OTOGL: variants seen among roughly 807,000 people sequenced by gnomAD.
The protein encoded by OTOGL is otogelin-like protein.
Under a neutral mutation model 318.5 loss-of-function variants are expected in OTOGL, and 285 were observed. The ratio of observed to expected loss-of-function variants is 0.89; its 90% CI spans 0.81 to 0.99. The LOEUF is 0.99. OTOGL is among the 50% of genes least tolerant of loss of function. OTOGL has a pLI of 0.00. For missense variants in OTOGL, 2,899 were observed against 2,845.6 expected, an observed-to-expected ratio of 1.02 and a Z score of -0.43; for synonymous variants, 987 against 936.5, an observed-to-expected ratio of 1.05 and a Z score of -0.99.
intron 30 of OTOGL, among the ~76,000 whole-genome samples, chr12:80,311,409 G>A (rs1184495826): frequency 6.6e-6 from 1 of 152,070 alleles, no homozygotes; most frequent in African/African-American, 2.4e-5. Flanking sequence ...AGGGATATTT[G>A]GCAGATATTT....
intron 1 of OTOGL, among the ~76,000 whole-genome samples, chr12:80,150,051 T>C (rs1021575059): frequency 3.3e-5 from 5 of 152,326 alleles, no homozygotes; most frequent in Middle Eastern, 3.4e-3. Context: ...ACCGGAGCTG[T>C]TCCTATTCGG....
At chr12:80,235,976 A>T (rs1879813193) in intron 9 of OTOGL, among the ~76,000 whole-genome samples, 1 of 152,208 alleles carries the variant, frequency 6.6e-6, no homozygotes, top group Non-Finnish European at 1.5e-5. Flanking sequence ...AAGAAGCCTG[A>T]TATTTTCTTG....
intron 32 of OTOGL, among the ~76,000 whole-genome samples, chr12:80,318,152 C>T (rs10778724): frequency 0.9 from 136,108 of 152,072 alleles, 61,900 homozygotes; most frequent in Middle Eastern, 0.99. Flanking sequence ...TATTTAGGCC[C>T]GGTCTTAAGT....
At chr12:80,168,679 A>C (rs1182701298) in intron 1 of OTOGL, among the ~76,000 whole-genome samples, 2 of 152,154 alleles carry the variant, frequency 1.3e-5, no homozygotes, top group Admixed American at 1.3e-4. Flanking sequence ...CGTGGAAGAT[A>C]TTGTTTAATA....
intron 1 of OTOGL, among the ~76,000 whole-genome samples, chr12:80,194,971 A>G (rs1361790722): frequency 6.6e-6 from 1 of 152,140 alleles, no homozygotes; most frequent in Non-Finnish European, 1.5e-5. Context: ...TAACCCTATT[A>G]CTTAGAAAAA....
At chr12:80,376,166 G>A (rs1469166486) in intron 57 of OTOGL, among the ~76,000 whole-genome samples, 2 of 152,128 alleles carry the variant, frequency 1.3e-5, no homozygotes, top group Non-Finnish European at 2.9e-5. Context: ...CAATTTGGAG[G>A]TCATGAGTGA....
chr12:80,259,325 AC>A (rs1312409475), intron 18 of OTOGL, among the ~76,000 whole-genome samples: 2 of 151,486 alleles, frequency 1.3e-5, no homozygotes, highest in Non-Finnish European at 2.9e-5. Context: ...CTCTCCAAAT[AC>A]TGTTTCATTT....
At chr12:80,303,971 T>C (rs914838961) in intron 28 of OTOGL, among the ~76,000 whole-genome samples, 1 of 152,240 alleles carries the variant, frequency 6.6e-6, no homozygotes, top group Non-Finnish European at 1.5e-5. Context: ...TCATGTTGCT[T>C]CTTTATTGTC....
chr12:80,337,218 A>G (rs1888469992), intron 42 of OTOGL, among the ~76,000 whole-genome samples: 1 of 152,050 alleles, frequency 6.6e-6, no homozygotes, highest in South Asian at 2.1e-4. Flanking sequence ...CTGTGAGGTT[A>G]ACTGCAGGGA....
intron 44 of OTOGL, among the ~76,000 whole-genome samples, chr12:80,346,664 C>T (rs1292610801): frequency 6.6e-6 from 1 of 152,092 alleles, no homozygotes; most frequent in Non-Finnish European, 1.5e-5. Context: ...ACTCCTTCTG[C>T]CCACACCCCG....
Position 80,226,177 on chromosome 12 carries a change from AACACACACACAC to A in OTOGL, c.490-3045_490-3034del, listed in dbSNP as rs35975748. 7.9e-3 allele frequency among the ~76,000 whole-genome samples: 1,049 copies of A among 132,958 alleles called. 14 individuals carry two copies. Among genetic ancestry groups the A allele is most frequent in the African/African-American group, 0.026 (919 of 35,682 alleles). 87.2% of individuals were successfully genotyped at this position (132,958 alleles called of 152,430 possible). ...TAGTTATGCCACCCTTCCTGCTCCT[AACACACACACAC>A]ACACACACACACACACACACACACA... On this transcript the variant is annotated intron_variant, in intron 7 of 58. Transcript: ENST00000547103.
chr12:80,212,861 G>A (rs973263123), intron 4 of OTOGL, among the ~76,000 whole-genome samples: 1 of 152,186 alleles, frequency 6.6e-6, no homozygotes, highest in African/African-American at 2.4e-5. Context: ...ATGCTGTTGT[G>A]TCTGGTTAGA....
Position 80,158,726 on chromosome 12 carries a change from T to C in OTOGL, c.-19-50687T>C, listed in dbSNP as rs147419810. 4.2e-3 allele frequency among the ~76,000 whole-genome samples: 636 copies of C among 152,208 alleles called. 5 individuals carry two copies. Among genetic ancestry groups the C allele is most frequent in the African/African-American group, 0.015 (610 of 41,554 alleles). On this transcript the variant is annotated intron_variant, in intron 1 of 58. Transcript: ENST00000547103. The stretch of plus-strand genomic sequence containing the variant: ...GAATTCATTTATCAGTTCTAGGAGC[T>C]TTTCAGAGGAATCTTTAGGGTTTTC...
At chr12:80,259,714 AT>A (rs1459549687) in intron 18 of OTOGL, among the ~76,000 whole-genome samples, 6 of 152,122 alleles carry the variant, frequency 3.9e-5, no homozygotes, top group African/African-American at 1.4e-4. Flanking sequence ...ACAGGAACTC[AT>A]TCTTTTTCAT....
At chr12:80,147,720 T>C (rs1168819837) in intron 1 of OTOGL, among the ~76,000 whole-genome samples, 1 of 152,172 alleles carries the variant, frequency 6.6e-6, no homozygotes, top group South Asian at 2.1e-4. Context: ...CAGGACCTGC[T>C]TTATGAATCT....
intron 1 of OTOGL, among the ~76,000 whole-genome samples, chr12:80,185,191 C>A (rs542749258): frequency 7.9e-5 from 12 of 152,204 alleles, no homozygotes; most frequent in African/African-American, 2.9e-4. Flanking sequence ...ATGAGACAGG[C>A]AATGTGAACA....
rs55682028 is a variant in OTOGL, at chr12:80,124,469, C to T, written c.-20+24864C>T. Among the ~76,000 whole-genome samples the T allele has an allele frequency of 5.6e-3, 847 of 152,250 alleles. 9 individuals carry two copies. The highest frequency in any genetic ancestry group is 0.019 in the African/African-American group (805 of 41,548). ...TGTAGTATGGTTTGAAGTCAGGTAG[C>T]ATGATGCCTCCAGCTTTGTTCTTTT... is the stretch of plus-strand genomic sequence containing the variant. On this transcript the variant is annotated intron_variant, in intron 1 of 58. Coordinates refer to ENST00000547103, the MANE Select transcript of OTOGL (RefSeq NM_001378609.3).
At chr12:80,136,588 A>G (rs1281777620) in intron 1 of OTOGL, among the ~76,000 whole-genome samples, 2 of 152,056 alleles carry the variant, frequency 1.3e-5, no homozygotes, top group Non-Finnish European at 2.9e-5. Flanking sequence ...TGGTTTTCAA[A>G]CCTTCCAGGA....
At chr12:80,217,577 T>C in intron 4 of OTOGL, 21 bp from the exon 5 acceptor site, 1 of 1,475,302 alleles carries the variant, frequency 6.8e-7, no homozygotes, top group Non-Finnish European at 9.2e-7. Flanking sequence ...TGTATTGCAT[T>C]CTCATTTCTT....
Sources: gnomAD v4.1 joint callset for allele counts (sites outside exome capture counted in the v4.1 genomes callset) on GRCh38, gnomAD v4.1.1 for gene constraint, MANE v1.5 for transcripts, NCBI Gene and HGNC (gene_info 2026-07-23, HGNC 2026-07-21) for gene names.